MEMO1: variants seen among roughly 807,000 people sequenced by gnomAD.
MEMO1 encodes protein MEMO1.
A neutral mutation model predicts 45.2 loss-of-function variants in MEMO1; 6 were observed. The observed-to-expected ratio is 0.13, with a 90% CI of 0.07 to 0.26. MEMO1 has a LOEUF of 0.26. Ranked by LOEUF, MEMO1 falls within the 10% of genes least tolerant of loss-of-function variation. The pLI is 1.00. For missense variants in MEMO1, 184 were observed against 370.5 expected (o/e 0.50, Z 4.13); for synonymous variants, 78 against 124.3 (o/e 0.63, Z 2.48).
chr2:31,894,706 TAAC>T (rs1677494918), intron 6 of MEMO1, among the ~76,000 whole-genome samples: 1 of 152,172 alleles, frequency 6.6e-6, no homozygotes, highest in Non-Finnish European at 1.5e-5. Flanking sequence ...CACGCCTGGC[TAAC>T]AGAAAATTTG....
intron 2 of MEMO1, among the ~76,000 whole-genome samples, chr2:32,002,671 A>T (rs1673558392): frequency 6.6e-6 from 1 of 152,164 alleles, no homozygotes; most frequent in Non-Finnish European, 1.5e-5. Flanking sequence ...CCTACCTTGG[A>T]GGGTCCTTTT....
At position 31,893,134 on chromosome 2, in the gene MEMO1, A is replaced by C. The variant is rs1677206268; in HGVS notation, c.438-1000T>G. On this transcript the variant is annotated intron_variant, in intron 6 of 9. Coordinates refer to ENST00000404530, the MANE Select transcript of MEMO1 (RefSeq NM_001301833.4). ...TGATGTAGGACAAACAAAATTCACA[A>C]AAGTTTTTAAAAATACTAAGTTTAA... 3 of 176,348 alleles carry C rather than the reference A, an allele frequency of 1.7e-5. No individual in the cohort carries two copies. The South Asian group carries it at 4.9e-4, about 29-fold the overall frequency. The allele number at this position is 176,348 out of a possible 1,614,324, so 10.9% of individuals were successfully genotyped here.
chr2:31,984,513 G>C (rs926922670), intron 2 of MEMO1, among the ~76,000 whole-genome samples: 2 of 152,140 alleles, frequency 1.3e-5, no homozygotes, highest in African/African-American at 4.8e-5. Context: ...CTAGAACAGA[G>C]AAAGGACATT....
intron 5 of MEMO1, among the ~76,000 whole-genome samples, chr2:31,919,949 CGTGTGTGTGTGTGTGTGT>C (rs61002743): frequency 2.8e-5 from 4 of 145,208 alleles, no homozygotes; most frequent in Non-Finnish European, 6.1e-5. Flanking sequence ...CACACATACA[CGTGTGTGTGTGTGTGTGT>C]GTGTGTGTGT....
intron 3 of MEMO1, among the ~76,000 whole-genome samples, chr2:31,940,734 T>C (rs1468435486): frequency 6.6e-6 from 1 of 152,134 alleles, no homozygotes; most frequent in East Asian, 1.9e-4. Context: ...AGTCTTGTTT[T>C]GTTGCCCATG....
rs934970077 is a variant in MEMO1, at chr2:31,886,051, G to A, written c.581-2589C>T. Among the ~76,000 whole-genome samples, 80 of 152,274 alleles carry A rather than the reference G, an allele frequency of 5.3e-4. 1 individual carries two copies. The highest frequency in any genetic ancestry group is 1.7e-3 in the African/African-American group (69 of 41,554). On this transcript the variant is annotated intron_variant, in intron 7 of 9. Transcript: ENST00000404530. ...TTGAAATACTTTAAAATACTGGATC[G>A]GCATGGGATTTAATGAGAATGCAAA...
chr2:31,917,312 A>G (rs1188248171), intron 6 of MEMO1, among the ~76,000 whole-genome samples: 1 of 152,226 alleles, frequency 6.6e-6, no homozygotes, highest in East Asian at 1.9e-4. Flanking sequence ...AACCCTTGAA[A>G]TAATTTTTTT....
At chr2:31,966,862 G>C (rs983227597) in intron 2 of MEMO1, among the ~76,000 whole-genome samples, 5 of 152,046 alleles carry the variant, frequency 3.3e-5, no homozygotes, top group African/African-American at 1.2e-4. Context: ...TATGCTTTCA[G>C]TGATTATTCT....
At chr2:31,960,182 G>GC (rs1667853344) in intron 2 of MEMO1, among the ~76,000 whole-genome samples, 2 of 149,572 alleles carry the variant, frequency 1.3e-5, no homozygotes, top group African/African-American at 4.9e-5. Context: ...GGGTGATAGA[G>GC]CAAGATCCTC....
At chr2:31,940,585 G>A (rs1405022697) in intron 3 of MEMO1, among the ~76,000 whole-genome samples, 1 of 152,152 alleles carries the variant, frequency 6.6e-6, no homozygotes, top group African/African-American at 2.4e-5. Flanking sequence ...TGTTGCCCAA[G>A]CGGGAGTACA....
At chr2:31,901,115 T>C (rs1357221734) in intron 6 of MEMO1, among the ~76,000 whole-genome samples, 2 of 152,138 alleles carry the variant, frequency 1.3e-5, no homozygotes, top group African/African-American at 4.8e-5. Context: ...CTCATGCCTA[T>C]AACCCTAACA....
rs761163454 is a variant in MEMO1 at position 31,868,481 on chromosome 2, C to T, written c.774G>A (p.Glu258=). The change falls in exon 10 of 10, where the codon GAG becomes GAA. Residue 258 remains glutamate (E), a synonymous_variant. Transcript: ENST00000404530. The stretch of plus-strand genomic sequence containing the variant: ...TCATATTCATTCCATTCTTCTGGAG[C>T]TCTGTGATAGCCTAGAAAAAAGAAA... The part of the protein sequence containing the change: ...PIGVLLNAIT[E]LQKNGMNMSF... 1.3e-6 allele frequency: 2 copies of T among 1,597,540 alleles called. No homozygotes were observed. The highest frequency in any genetic ancestry group is 1.7e-6 in the Non-Finnish European group (2 of 1,172,718).
In MEMO1 at chr2:31,906,973, A is replaced by T. The variant is rs941685493; in HGVS notation, c.437+10953T>A. On this transcript the variant is annotated intron_variant, in intron 6 of 9. Coordinates refer to ENST00000404530, the MANE Select transcript of MEMO1 (RefSeq NM_001301833.4). ...CAACCCAGACAAAAAACATCTACAA[A>T]CAGATCTCAGTTACTAGCCAAGCCT... Among the ~76,000 whole-genome samples, 4 of 152,232 alleles carry T rather than the reference A, an allele frequency of 2.6e-5. No homozygotes were observed. In the South Asian group the frequency reaches 6.2e-4, roughly 24 times the overall value.
rs575458136 is a variant in MEMO1, at chr2:32,005,744, C to T, written c.61+4443G>A. On this transcript the variant is annotated intron_variant, in intron 2 of 9. Coordinates refer to ENST00000404530, the MANE Select transcript of MEMO1 (RefSeq NM_001301833.4). Reference sequence around the variant, plus strand: ...CAATACTTCCCACTTGCTAATTATACGCCTACTATATGCCAAGCACTTTAA... The same window carrying T: ...CAATACTTCCCACTTGCTAATTATATGCCTACTATATGCCAAGCACTTTAA... Among the ~76,000 whole-genome samples, 215 of 152,160 alleles carry T rather than the reference C, an allele frequency of 1.4e-3. 1 individual carries two copies. The highest frequency in any genetic ancestry group is 2.7e-3 in the Non-Finnish European group (183 of 68,024).
chr2:31,982,588 CAAAA>C (rs60208602), intron 2 of MEMO1, among the ~76,000 whole-genome samples: 1 of 70,102 alleles, frequency 1.4e-5, no homozygotes, highest in African/African-American at 4.8e-5. Flanking sequence ...GACTCCGTCT[CAAAA>C]AAAAAAAAAA....
intron 2 of MEMO1, among the ~76,000 whole-genome samples, chr2:31,973,205 G>A (rs1481314670): frequency 5.3e-5 from 8 of 152,182 alleles, no homozygotes; most frequent in Non-Finnish European, 1.2e-4. Context: ...TGTAATCCCA[G>A]CACTTTGGGA....
chr2:31,956,195 T>C (rs530758127), intron 2 of MEMO1, among the ~76,000 whole-genome samples: 3 of 152,284 alleles, frequency 2.0e-5, no homozygotes, highest in Non-Finnish European at 2.9e-5. Flanking sequence ...AATTAGTCAG[T>C]AGTAGTAATC....
chr2:31,888,675 CAGAA>C, intron 7 of MEMO1, among the ~76,000 whole-genome samples: 1 of 152,144 alleles, frequency 6.6e-6, no homozygotes, highest in Middle Eastern at 3.4e-3. Flanking sequence ...CTGCTAGTAA[CAGAA>C]AGGATGAAAT....
chr2:31,956,794 A>G (rs574904928), intron 2 of MEMO1, among the ~76,000 whole-genome samples: 20 of 152,334 alleles, frequency 1.3e-4, no homozygotes, highest in Middle Eastern at 3.4e-3. Context: ...GTGCATATAT[A>G]TCATACATGA....
Sources: allele counts gnomAD v4.1 joint callset (sites outside exome capture counted in the v4.1 genomes callset), GRCh38; gene constraint gnomAD v4.1.1; transcripts MANE v1.5; gene names NCBI Gene and HGNC (gene_info 2026-07-23, HGNC 2026-07-21).